Variants in PDPR observed in about 807,000 individuals in gnomAD.
The protein encoded by PDPR is pyruvate dehydrogenase phosphatase regulatory subunit, also known as pyruvate dehydrogenase phosphatase regulatory subunit, mitochondrial.
In PDPR, 50 loss-of-function variants were observed where a neutral mutation model predicts 102.2. That is an observed-to-expected ratio of 0.49 (90% confidence interval 0.39 to 0.62). PDPR has a LOEUF of 0.62. Ranked by LOEUF, PDPR falls within the 20% of genes least tolerant of loss-of-function variation. The pLI, the probability that PDPR is intolerant of heterozygous loss-of-function variation, is 0.00. For synonymous variants in PDPR, 259 were observed against 406.0 expected (o/e 0.64, Z 4.35); for missense variants, 625 against 1,098.2 (o/e 0.57, Z 6.09).
chr16:70,129,981 G>A (rs1268205304), intron 6 of PDPR, among the ~76,000 whole-genome samples: 2 of 152,266 alleles, frequency 1.3e-5, no homozygotes, highest in African/African-American at 4.8e-5. Context: ...TGATTCTAGG[G>A]TTTTGTGTTT....
At chr16:70,124,728 C>A (rs1226777704) in intron 3 of PDPR, among the ~76,000 whole-genome samples, 1 of 152,240 alleles carries the variant, frequency 6.6e-6, no homozygotes, top group Non-Finnish European at 1.5e-5. Flanking sequence ...ATGGAACTCC[C>A]ACCTGGGGTG....
chr16:70,133,993 A>G (rs906141445), intron 9 of PDPR, among the ~76,000 whole-genome samples: 3 of 152,254 alleles, frequency 2.0e-5, no homozygotes, highest in African/African-American at 7.2e-5. Context: ...TTGGCCTCCC[A>G]AAGTGCTGGG....
chr16:70,129,365 A>C (rs1458537088), intron 6 of PDPR, among the ~76,000 whole-genome samples: 1 of 152,240 alleles, frequency 6.6e-6, no homozygotes, highest in African/African-American at 2.4e-5. Flanking sequence ...TTTTTTGGAG[A>C]CAGAGCTTCA....
rs1224216798 is a variant in PDPR, at chr16:70,153,300, G to A, written c.2053-91G>A. 11 of 1,342,602 alleles carry A rather than the reference G, an allele frequency of 8.2e-6. No homozygotes were observed. The African/African-American group carries it at 1.0e-4, about 13-fold the overall frequency. The allele number at this position is 1,342,602 out of a possible 1,614,324, so 83.2% of individuals were successfully genotyped here. Reference sequence around the variant, plus strand: ...TTTATACGCCTCCTCTCTTGTCCATGTTAATAGTGTGAGCCATCAGCGCTT... The same window carrying A: ...TTTATACGCCTCCTCTCTTGTCCATATTAATAGTGTGAGCCATCAGCGCTT... On this transcript the variant is annotated intron_variant, in intron 17 of 18. Transcript: ENST00000288050.
intron 3 of PDPR, among the ~76,000 whole-genome samples, chr16:70,125,387 C>CAAAA (rs1332668163): frequency 1.5e-4 from 22 of 143,578 alleles, no homozygotes; most frequent in Non-Finnish European, 2.4e-4. Context: ...AAAAAACAAA[C>CAAAA]AAACAAAAAA....
chr16:70,143,435 A>T, intron 13 of PDPR, 75 bp from the exon 14 acceptor site: 1 of 1,551,254 alleles, frequency 6.4e-7, no homozygotes, highest in Non-Finnish European at 8.8e-7. Context: ...AATGAGGTTC[A>T]TTGCTGGTGG....
chr16:70,113,878 C>G (rs1224451072), upstream of PDPR: 1 of 150,220 alleles, frequency 6.7e-6, no homozygotes, highest in African/African-American at 2.5e-5. Flanking sequence ...TTCCAAGATC[C>G]GCGCTCCCAC....
At chr16:70,152,924 C>T (rs1386260969) in intron 17 of PDPR, among the ~76,000 whole-genome samples, 7 of 152,272 alleles carry the variant, frequency 4.6e-5, no homozygotes, top group Admixed American at 2.0e-4. Flanking sequence ...GCACACGTCT[C>T]GAGTAACGTG....
chr16:70,153,327 C>G (rs1306803189), intron 17 of PDPR, 64 bp from the exon 18 acceptor site: 1 of 1,515,476 alleles, frequency 6.6e-7, no homozygotes, highest in East Asian at 2.3e-5. Context: ...TCAGCGCTTC[C>G]AGACATGCTC....
chr16:70,126,275 A>C (rs1488611258), intron 3 of PDPR, among the ~76,000 whole-genome samples: 3 of 152,280 alleles, frequency 2.0e-5, no homozygotes, highest in Non-Finnish European at 4.4e-5. Flanking sequence ...GTAGTGGCAC[A>C]ATGCTAGCTC....
intron 11 of PDPR, among the ~76,000 whole-genome samples, chr16:70,139,664 C>G (rs1468614664): frequency 2.6e-5 from 4 of 152,384 alleles, no homozygotes; most frequent in African/African-American, 7.2e-5. Flanking sequence ...CTACCTTGAT[C>G]TCTGATTTAT....
intron 18 of PDPR, among the ~76,000 whole-genome samples, chr16:70,153,902 G>A (rs1053232637): frequency 3.3e-5 from 5 of 152,206 alleles, no homozygotes; most frequent in African/African-American, 7.2e-5. Context: ...AAAGTAGGCC[G>A]GGCACGGTGG....
intron 3 of PDPR, among the ~76,000 whole-genome samples, chr16:70,121,408 T>C (rs1246090687): frequency 6.6e-6 from 1 of 151,848 alleles, no homozygotes; most frequent in Non-Finnish European, 1.5e-5. Flanking sequence ...TACAACAATA[T>C]TGGCCGGGCA....
intron 17 of PDPR, among the ~76,000 whole-genome samples, chr16:70,151,348 C>T (rs1007764038): frequency 1.3e-5 from 2 of 152,268 alleles, no homozygotes; most frequent in Non-Finnish European, 2.9e-5. Flanking sequence ...GGATTACCGG[C>T]GTGAGCCACT....
intron 3 of PDPR, among the ~76,000 whole-genome samples, 174 bp from the exon 4 acceptor site, chr16:70,127,086 A>G (rs1475941662): frequency 2.0e-5 from 3 of 152,242 alleles, no homozygotes; most frequent in African/African-American, 7.2e-5. Context: ...GTCCTCAAGC[A>G]GTCCTCAGTC....
chr16:70,144,642 A>G, intron 15 of PDPR, 109 bp downstream of exon 15: 2 of 561,254 alleles, frequency 3.6e-6, no homozygotes, highest in Non-Finnish European at 6.5e-6. Context: ...AGTTAGCATA[A>G]AAGAGGCTCT....
At chr16:70,162,578 T>C (rs1967893865), downstream of PDPR, 1 of 152,518 alleles carries the variant, frequency 6.6e-6, no homozygotes, top group Non-Finnish European at 1.5e-5. Flanking sequence ...GTGACTTAAA[T>C]GTGTTTGCCA....
rs1181703552 is a variant in PDPR at position 70,157,191 on chromosome 16, G to A, written c.*312G>A. 2 of 599,772 alleles carry A rather than the reference G, an allele frequency of 3.3e-6. No individual in the cohort carries two copies. The highest frequency in any genetic ancestry group is 8.2e-5 in the East Asian group (2 of 24,408). 37.2% of individuals were successfully genotyped at this position (599,772 alleles called of 1,614,324 possible). A position where few individuals can be genotyped will look rare whatever the true frequency, so the allele number is the denominator to read the frequency against. On this transcript the variant is annotated 3_prime_UTR_variant, in exon 19 of 19. Transcript: ENST00000288050. ...AGCTCCACTGTGGACATGAGTGATG[G>A]TGACAGCTGCTTTCAAATTCTGCAT...
chr16:70,152,107 C>T (rs568954717), intron 17 of PDPR, among the ~76,000 whole-genome samples: 1 of 152,406 alleles, frequency 6.6e-6, no homozygotes, highest in African/African-American at 2.4e-5. Flanking sequence ...GTGTATTCTC[C>T]TCGTCCTGCC....
Sources: allele counts gnomAD v4.1 joint callset (sites outside exome capture counted in the v4.1 genomes callset), GRCh38; gene constraint gnomAD v4.1.1; transcripts MANE v1.5; gene names NCBI Gene and HGNC (gene_info 2026-07-23, HGNC 2026-07-21).